IQGAP2: variants seen among roughly 807,000 people sequenced by gnomAD.
The protein encoded by IQGAP2 is ras GTPase-activating-like protein IQGAP2.
In IQGAP2, 173 loss-of-function variants were observed where a neutral mutation model predicts 201.3. The ratio of observed to expected loss-of-function variants is 0.86; its 90% CI spans 0.76 to 0.98. IQGAP2 has a LOEUF of 0.98. Ranked by LOEUF, IQGAP2 falls within the 50% of genes least tolerant of loss-of-function variation. The probability of loss-of-function intolerance (pLI) is 0.00; values close to 1 mark genes in which losing one functional copy is unlikely to be tolerated. For synonymous variants in IQGAP2, 675 were observed against 673.9 expected, an observed-to-expected ratio of 1.00 and a Z score of -0.03; for missense variants, 1,687 against 1,864.8, an observed-to-expected ratio of 0.90 and a Z score of 1.76.
chr5:76,550,978 C>CG (rs1186866867), intron 2 of IQGAP2, among the ~76,000 whole-genome samples: 2 of 147,274 alleles, frequency 1.4e-5, no homozygotes, highest in African/African-American at 5.1e-5. Flanking sequence ...ACTGGCCGGG[C>CG]GGGGGCTGCC....
At chr5:76,582,892 A>T (rs1745973157) in intron 5 of IQGAP2, among the ~76,000 whole-genome samples, 1 of 152,208 alleles carries the variant, frequency 6.6e-6, no homozygotes, top group African/African-American at 2.4e-5. Flanking sequence ...TATTTGTACA[A>T]GTAGGAGCAC....
chr5:76,419,980 G>A (rs1455832006), intron 1 of IQGAP2, among the ~76,000 whole-genome samples: 1 of 152,134 alleles, frequency 6.6e-6, no homozygotes, highest in African/African-American at 2.4e-5. Flanking sequence ...TAGGACCCAG[G>A]TAAGTTTCTC....
At chr5:76,705,181 A>C (rs947531555) in intron 35 of IQGAP2, among the ~76,000 whole-genome samples, 2 of 152,182 alleles carry the variant, frequency 1.3e-5, no homozygotes, top group African/African-American at 4.8e-5. Context: ...ATGGAAGATA[A>C]TGCAGCTGGG....
At chr5:76,704,047 T>G (rs1747664653) in intron 35 of IQGAP2, among the ~76,000 whole-genome samples, 1 of 152,212 alleles carries the variant, frequency 6.6e-6, no homozygotes, top group Non-Finnish European at 1.5e-5. Flanking sequence ...ATGGAGTAAA[T>G]TAGAATTCGG....
intron 11 of IQGAP2, 103 bp downstream of exon 11, chr5:76,601,075 CTCA>C (rs1747398679): frequency 9.1e-7 from 1 of 1,102,316 alleles, no homozygotes; most frequent in Non-Finnish European, 1.3e-6. Flanking sequence ...ATATACCATG[CTCA>C]TGTTTCTTGA....
chr5:76,411,314 A>G (rs555087356), intron 1 of IQGAP2, among the ~76,000 whole-genome samples: 3 of 152,366 alleles, frequency 2.0e-5, no homozygotes, highest in East Asian at 3.8e-4. Context: ...TTTGTAAACC[A>G]CATGCTAACC....
intron 2 of IQGAP2, among the ~76,000 whole-genome samples, chr5:76,486,646 T>TA (rs1561407835): frequency 1.3e-5 from 2 of 152,014 alleles, no homozygotes; most frequent in African/African-American, 2.4e-5. Flanking sequence ...GATTTTTTTT[T>TA]TAAAAAAGGA....
At chr5:76,619,139 A>G (rs1156885852) in intron 13 of IQGAP2, among the ~76,000 whole-genome samples, 1 of 152,230 alleles carries the variant, frequency 6.6e-6, no homozygotes, top group Admixed American at 6.5e-5. Flanking sequence ...TGATTTAGCA[A>G]ATTTTTATTG....
intron 1 of IQGAP2, among the ~76,000 whole-genome samples, chr5:76,442,623 A>T (rs758285338): frequency 2.0e-5 from 3 of 152,184 alleles, no homozygotes; most frequent in African/African-American, 4.8e-5. Context: ...GCATGTAAAC[A>T]TCTCTACTTG....
At chr5:76,506,944 A>G (rs1757635999) in intron 2 of IQGAP2, among the ~76,000 whole-genome samples, 1 of 152,254 alleles carries the variant, frequency 6.6e-6, no homozygotes, top group Admixed American at 6.5e-5. Context: ...AGTTCTTCCC[A>G]ACTTGATCTA....
chr5:76,584,170 C>T (rs1168131705), intron 5 of IQGAP2, among the ~76,000 whole-genome samples: 1 of 151,932 alleles, frequency 6.6e-6, no homozygotes, highest in Non-Finnish European at 1.5e-5. Context: ...CTGTGCCCAG[C>T]CGAGAAAAAT....
At chr5:76,480,048 A>T (rs1755680894) in intron 2 of IQGAP2, among the ~76,000 whole-genome samples, 1 of 152,016 alleles carries the variant, frequency 6.6e-6, no homozygotes, top group Non-Finnish European at 1.5e-5. Context: ...GTGTGGGAGG[A>T]AGAGAATTGA....
intron 2 of IQGAP2, among the ~76,000 whole-genome samples, chr5:76,504,078 C>G (rs571522996): frequency 6.6e-6 from 1 of 152,216 alleles, no homozygotes; most frequent in East Asian, 1.9e-4. Context: ...AAAGCTGGCA[C>G]TGACTTTGGC....
At chr5:76,532,200 A>G (rs1725000341) in intron 2 of IQGAP2, among the ~76,000 whole-genome samples, 1 of 152,224 alleles carries the variant, frequency 6.6e-6, no homozygotes, top group Admixed American at 6.5e-5. Flanking sequence ...TTCATGAAGT[A>G]TGTTTCCTAA....
rs140739362 is a variant in IQGAP2, at chr5:76,403,606, C to T, written c.46+15C>T. ...CCGCTATGGCTGTAAGTGCGCCGGG[C>T]GCGCGGGGTTCCTGCTGGCCTTGGG... On this transcript the variant is annotated intron_variant, in intron 1 of 35. Transcript: ENST00000274364. This position sits in a 1 kb window ranked among gnomAD's most constrained non-coding sequence, Gnocchi z 4.8. The T allele has an allele frequency of 2.9e-3, 4,471 of 1,524,502 alleles. 143 individuals carry two copies. In the African/African-American group the frequency reaches 0.056, roughly 19 times the overall value. The allele number at this position is 1,524,502 out of a possible 1,614,324, so 94.4% of individuals were successfully genotyped here. A position where few individuals can be genotyped will look rare whatever the true frequency, so the allele number is the denominator to read the frequency against.
rs1282590043 is a variant in IQGAP2 at position 76,617,504 on chromosome 5, T to A, written c.1521+6321T>A. 3 of 1,061,072 alleles carry A rather than the reference T, an allele frequency of 2.8e-6. No individual in the cohort carries two copies. In the African/African-American group the frequency reaches 4.8e-5, roughly 17 times the overall value. The allele number at this position is 1,061,072 out of a possible 1,614,324, so 65.7% of individuals were successfully genotyped here. ...TTTCTTAGGAGCTCGGAAATGGAGC[T>A]CCTTGCACTATGCTTATGTTGTTCT... On this transcript the variant is annotated intron_variant, in intron 13 of 35. Transcript: ENST00000274364.
intron 2 of IQGAP2, among the ~76,000 whole-genome samples, chr5:76,476,459 G>A (rs950766171): frequency 2.6e-5 from 4 of 152,196 alleles, no homozygotes; most frequent in Admixed American, 2.6e-4. Flanking sequence ...TTTATGAGGG[G>A]TGGGATTTTG....
At chr5:76,677,635 A>G in intron 28 of IQGAP2, 1 of 232,520 alleles carries the variant, frequency 4.3e-6, no homozygotes, top group Non-Finnish European at 8.3e-6. Context: ...TCCATTTACA[A>G]AGCCAGATTG....
At chr5:76,429,299 G>A (rs557490153) in intron 1 of IQGAP2, among the ~76,000 whole-genome samples, 36 of 151,560 alleles carry the variant, frequency 2.4e-4, no homozygotes, top group African/African-American at 7.0e-4. Context: ...TAGGCTGGGC[G>A]TGGTGGCTCA....
Sources: gnomAD v4.1 joint callset for allele counts (sites outside exome capture counted in the v4.1 genomes callset) on GRCh38, gnomAD v4.1.1 for gene constraint, Gnocchi (gnomAD v3.1) non-coding constraint, MANE v1.5 for transcripts, NCBI Gene and HGNC (gene_info 2026-07-23, HGNC 2026-07-21) for gene names.